CDH4: variants seen among roughly 807,000 people sequenced by gnomAD.
CDH4 encodes the protein cadherin 4.
Under a neutral mutation model 86.0 loss-of-function variants are expected in CDH4, and 33 were observed. That is an observed-to-expected ratio of 0.38 (90% CI 0.29 to 0.51). The LOEUF is 0.51. Ranked by LOEUF, CDH4 falls within the 20% of genes least tolerant of loss-of-function variation. CDH4 has a pLI of 0.86. For synonymous variants in CDH4, 555 were observed against 549.4 expected (o/e 1.01, Z -0.14); for missense variants, 1,114 against 1,307.4 (o/e 0.85, Z 2.28).
chr20:61,387,371 C>G (rs1454346456), intron 2 of CDH4, among the ~76,000 whole-genome samples: 4 of 151,996 alleles, frequency 2.6e-5, no homozygotes, highest in African/African-American at 9.7e-5. Context: ...CACAAACACA[C>G]AGCCACACAA....
chr20:61,832,858 G>T (rs1324632268), intron 4 of CDH4, among the ~76,000 whole-genome samples: 2 of 152,054 alleles, frequency 1.3e-5, no homozygotes, highest in Non-Finnish European at 2.9e-5. Context: ...CATCATCACT[G>T]GTTCTACGAC....
At chr20:61,855,987 G>A (rs976330407) in intron 6 of CDH4, among the ~76,000 whole-genome samples, 4 of 152,116 alleles carry the variant, frequency 2.6e-5, no homozygotes, top group East Asian at 1.9e-4. Flanking sequence ...AGCCCACCTC[G>A]GTCACCCTTC....
intron 2 of CDH4, among the ~76,000 whole-genome samples, chr20:61,360,609 T>C (rs2084778339): frequency 1.3e-5 from 2 of 152,138 alleles, no homozygotes. Context: ...ACACTCAGAA[T>C]GTCACCACCC....
chr20:61,372,791 C>A lies in CDH4; in HGVS notation c.169+117854C>A, dbSNP rs1010133238. 3.3e-5 allele frequency among the ~76,000 whole-genome samples: 5 copies of A among 152,176 alleles called. No homozygotes were observed. The East Asian group carries it at 7.7e-4, about 24-fold the overall frequency. On this transcript the variant is annotated intron_variant, in intron 2 of 15. Coordinates refer to ENST00000614565, the MANE Select transcript of CDH4 (RefSeq NM_001794.5). ...TTTCTGCCCACATAGGAGGGATGGC[C>A]GACTCCTAGTAGCAGGACACACTTA...
In CDH4 at chr20:61,503,860, G is replaced by T. The variant is rs10211686; in HGVS notation, c.170-239703G>T. ...AATTTTCTTGTGAATTTCATCTGAG[G>T]ATTGGCATCTGTTCCCACAGCGTGA... On this transcript the variant is annotated intron_variant, in intron 2 of 15. Coordinates refer to ENST00000614565, the MANE Select transcript of CDH4 (RefSeq NM_001794.5). Among the ~76,000 whole-genome samples the T allele has an allele frequency of 6.9e-3, 1,047 of 152,286 alleles. 11 individuals carry two copies. Among genetic ancestry groups the T allele is most frequent in the African/African-American group, 0.024 (1,006 of 41,560 alleles).
chr20:61,700,679 G>A (rs140592165), intron 2 of CDH4, among the ~76,000 whole-genome samples: 51 of 151,860 alleles, frequency 3.4e-4, no homozygotes, highest in African/African-American at 1.1e-3. Context: ...CACCCCATAC[G>A]GCCTCCCTGT....
intron 2 of CDH4, among the ~76,000 whole-genome samples, chr20:61,279,016 G>A (rs963458450): frequency 6.6e-6 from 1 of 152,234 alleles, no homozygotes; most frequent in African/African-American, 2.4e-5. Flanking sequence ...CGTGCTGAGA[G>A]TGGAGGGGCT....
chr20:61,876,742 T>C (rs1984042651), intron 7 of CDH4, among the ~76,000 whole-genome samples: 1 of 151,814 alleles, frequency 6.6e-6, no homozygotes. Context: ...GTTGAGGGGG[T>C]CCCTGTGGCT....
intron 7 of CDH4, among the ~76,000 whole-genome samples, chr20:61,884,438 T>C (rs1984441324): frequency 6.6e-6 from 1 of 151,868 alleles, no homozygotes; most frequent in African/African-American, 2.4e-5. Context: ...GGAGAGACAG[T>C]GGCAGTGGAC....
intron 2 of CDH4, among the ~76,000 whole-genome samples, chr20:61,722,971 G>A (rs1019337498): frequency 3.3e-5 from 5 of 152,160 alleles, no homozygotes; most frequent in East Asian, 3.9e-4. Flanking sequence ...GATCAGGAAC[G>A]GCCACCACAG....
chr20:61,578,846 G>C (rs1024513524), intron 2 of CDH4, among the ~76,000 whole-genome samples: 1 of 151,554 alleles, frequency 6.6e-6, no homozygotes, highest in Non-Finnish European at 1.5e-5. Context: ...CGTGGCCCAG[G>C]ACAAGTCTAG....
At chr20:61,315,775 C>A (rs1346415292) in intron 2 of CDH4, among the ~76,000 whole-genome samples, 1 of 152,222 alleles carries the variant, frequency 6.6e-6, no homozygotes, top group Non-Finnish European at 1.5e-5. Flanking sequence ...GCGATCATAG[C>A]TCACTACAGC....
At chr20:61,423,505 T>A (rs2085191689) in intron 2 of CDH4, among the ~76,000 whole-genome samples, 1 of 152,184 alleles carries the variant, frequency 6.6e-6, no homozygotes, top group African/African-American at 2.4e-5. Context: ...GAGACCCCTA[T>A]CTCCATTTCT....
At chr20:61,555,013 CAT>C (rs1367976003) in intron 2 of CDH4, among the ~76,000 whole-genome samples, 1 of 152,150 alleles carries the variant, frequency 6.6e-6, no homozygotes, top group Admixed American at 6.5e-5. Context: ...CAGTATTGCC[CAT>C]GTGTGTGCAC....
In CDH4 at chr20:61,318,952, G is replaced by A. The variant is rs113963120; in HGVS notation, c.169+64015G>A. 1.9e-3 allele frequency among the ~76,000 whole-genome samples: 290 copies of A among 152,282 alleles called. 1 individual carries two copies. Among genetic ancestry groups the A allele is most frequent in the African/African-American group, 6.6e-3 (274 of 41,556 alleles). On this transcript the variant is annotated intron_variant, in intron 2 of 15. Coordinates refer to ENST00000614565, the MANE Select transcript of CDH4 (RefSeq NM_001794.5). ...CCTTGCCCGCAATGATGCTGCCATC[G>A]GCCTGAGCCATGGTGGGGCACCACA...
At chr20:61,630,715 T>C (rs1051557808) in intron 2 of CDH4, among the ~76,000 whole-genome samples, 3 of 152,234 alleles carry the variant, frequency 2.0e-5, no homozygotes, top group African/African-American at 4.8e-5. Flanking sequence ...AACCAACTTA[T>C]GGATTATAAT....
At chr20:61,818,025 T>C (rs1601019436) in intron 4 of CDH4, among the ~76,000 whole-genome samples, 1 of 152,040 alleles carries the variant, frequency 6.6e-6, no homozygotes, top group African/African-American at 2.4e-5. Context: ...TTCTTTTTTT[T>C]TTTTCTTTTC....
chr20:61,411,937 C>T (rs533038124), intron 2 of CDH4, among the ~76,000 whole-genome samples: 1 of 152,326 alleles, frequency 6.6e-6, no homozygotes, highest in South Asian at 2.1e-4. Flanking sequence ...AGACCAAGGC[C>T]TGATTTCAGC....
chr20:61,690,464 C>T (rs1380924963), intron 2 of CDH4, among the ~76,000 whole-genome samples: 1 of 152,096 alleles, frequency 6.6e-6, no homozygotes, highest in African/African-American at 2.4e-5. Flanking sequence ...ACAGGGTTTG[C>T]AGTTCTGGGT....
Sources: allele counts gnomAD v4.1 joint callset (sites outside exome capture counted in the v4.1 genomes callset), GRCh38; gene constraint gnomAD v4.1.1; transcripts MANE v1.5; gene names NCBI Gene and HGNC (gene_info 2026-07-23, HGNC 2026-07-21).